Variants in SDHAF4 observed in about 807,000 individuals in gnomAD.
SDHAF4 encodes succinate dehydrogenase assembly factor 4, mitochondrial.
A neutral mutation model predicts 14.3 loss-of-function variants in SDHAF4; 14 were observed. That is an observed-to-expected ratio of 0.98 (90% CI 0.65 to 1.53). The LOEUF (loss-of-function observed/expected upper bound fraction) is 1.53. Among genes scored for constraint, SDHAF4 ranks in the 40% most tolerant of loss-of-function variants. The pLI is 0.00. For synonymous variants in SDHAF4, 63 were observed against 47.3 expected, an observed-to-expected ratio of 1.33 and a Z score of -1.36; for missense variants, 141 against 129.3, an observed-to-expected ratio of 1.09 and a Z score of -0.44.
At chr6:70,592,902 A>G (rs1444517555), downstream of SDHAF4, among the ~76,000 whole-genome samples, 5 of 152,248 alleles carry the variant, frequency 3.3e-5, no homozygotes, top group African/African-American at 1.2e-4. Context: ...TCATCAGGAC[A>G]ATGGGAGAAA....
At chr6:70,574,928 C>G (rs1581927468) in intron 1 of SDHAF4, among the ~76,000 whole-genome samples, 1 of 152,016 alleles carries the variant, frequency 6.6e-6, no homozygotes, top group South Asian at 2.1e-4. Flanking sequence ...ACCCTTGTTT[C>G]AAAAAACAAC....
At chr6:70,577,126 A>G (rs1802265927) in intron 1 of SDHAF4, among the ~76,000 whole-genome samples, 1 of 151,944 alleles carries the variant, frequency 6.6e-6, no homozygotes, top group Non-Finnish European at 1.5e-5. Flanking sequence ...CTGTCTTCCA[A>G]CCCTGTCTTC....
chr6:70,587,596 A>T (rs2128536317), intron 2 of SDHAF4, among the ~76,000 whole-genome samples: 1 of 152,286 alleles, frequency 6.6e-6, no homozygotes, highest in African/African-American at 2.4e-5. Context: ...TGAGAACAAG[A>T]CTGCAGCCAG....
downstream of SDHAF4, among the ~76,000 whole-genome samples, chr6:70,590,305 A>C (rs1379089808): frequency 3.9e-5 from 6 of 152,180 alleles, no homozygotes; most frequent in Non-Finnish European, 8.8e-5. Flanking sequence ...GGGCATACTC[A>C]AGAGAGAGTG....
At chr6:70,596,720 G>C in the SDHAF4 span, 3 of 152,128 alleles carry the variant, frequency 2.0e-5, no homozygotes, top group Non-Finnish European at 4.4e-5. Context: ...TGTACATAAT[G>C]AGTGTTTGGT....
chr6:70,567,847 G>A (rs891538392), intron 1 of SDHAF4, among the ~76,000 whole-genome samples: 13 of 152,054 alleles, frequency 8.5e-5, no homozygotes, highest in Non-Finnish European at 1.6e-4. Flanking sequence ...CACCGTGCCT[G>A]ACTAATTTTT....
downstream of SDHAF4, among the ~76,000 whole-genome samples, chr6:70,594,237 A>G (rs1248505039): frequency 6.6e-6 from 1 of 152,216 alleles, no homozygotes; most frequent in Non-Finnish European, 1.5e-5. Context: ...ATGTATTTGT[A>G]TGTGATAAGG....
chr6:70,584,980 G>A (rs930993160), intron 2 of SDHAF4, among the ~76,000 whole-genome samples: 2 of 152,190 alleles, frequency 1.3e-5, no homozygotes, highest in Non-Finnish European at 2.9e-5. Context: ...CACTGGATAA[G>A]TAAATGGTAT....
intron 2 of SDHAF4, among the ~76,000 whole-genome samples, chr6:70,588,085 T>C (rs1765224124): frequency 6.6e-6 from 1 of 152,250 alleles, no homozygotes; most frequent in African/African-American, 2.4e-5. Flanking sequence ...AGTAATCTTA[T>C]TTCAAGACCT....
At chr6:70,595,858 GA>G in the SDHAF4 span, among the ~76,000 whole-genome samples, 58,081 of 145,188 alleles carry the variant, frequency 0.4, 12,155 homozygotes, top group African/African-American at 0.52. Context: ...AAAAAGAAAA[GA>G]AAAAAAGAAA....
In SDHAF4 at chr6:70,588,609, C is replaced by T. The variant is rs1419862275; in HGVS notation, c.218-6C>T. 3.3e-6 allele frequency: 5 copies of T among 1,535,888 alleles called. No homozygotes were observed. In the Admixed American group the frequency reaches 5.2e-5, roughly 16 times the overall value. On this transcript the variant is annotated splice_polypyrimidine_tract_variant and splice_region_variant and intron_variant, in intron 2 of 2. Coordinates refer to ENST00000370474, the MANE Select transcript of SDHAF4 (RefSeq NM_145267.3). ...AACTGCTTTATTTATATCTCGTTTT[C>T]CTTAGAATTTCCAGATGATGTTAAT...
At chr6:70,593,560 T>C (rs769927921), downstream of SDHAF4, among the ~76,000 whole-genome samples, 1 of 152,204 alleles carries the variant, frequency 6.6e-6, no homozygotes, top group African/African-American at 2.4e-5. Context: ...AGAGTAGCCA[T>C]GTGGACTACA....
chr6:70,583,928 T>G lies in SDHAF4; in HGVS notation c.217+4362T>G, dbSNP rs138128640. ...GCAGTGAGCAGTGAGGAAATGTATTTGGATAGAGGTTGTTTTAATTAGCTT... is the reference window on the plus strand; with the variant it reads ...GCAGTGAGCAGTGAGGAAATGTATTGGGATAGAGGTTGTTTTAATTAGCTT... On this transcript the variant is annotated intron_variant, in intron 2 of 2. Transcript: ENST00000370474. Among the ~76,000 whole-genome samples the G allele has an allele frequency of 3.1e-3, 478 of 152,318 alleles. 3 individuals carry two copies. The highest frequency in any genetic ancestry group is 0.011 in the African/African-American group (452 of 41,572).
chr6:70,568,645 T>G (rs1172041640), intron 1 of SDHAF4, among the ~76,000 whole-genome samples: 3 of 152,202 alleles, frequency 2.0e-5, no homozygotes, highest in Non-Finnish European at 4.4e-5. Flanking sequence ...TGCTACACAT[T>G]CTTGTGTACC....
intron 1 of SDHAF4, among the ~76,000 whole-genome samples, chr6:70,571,654 TG>T (rs1345695060): frequency 4.6e-5 from 7 of 152,208 alleles, no homozygotes; most frequent in African/African-American, 1.4e-4. Context: ...CCTCATATAA[TG>T]TACTGGGGAT....
chr6:70,575,597 A>T (rs187643903), intron 1 of SDHAF4, among the ~76,000 whole-genome samples: 3 of 152,018 alleles, frequency 2.0e-5, no homozygotes, highest in Non-Finnish European at 4.4e-5. Flanking sequence ...GATTTAGAAG[A>T]TGTTTGATTT....
At chr6:70,579,730 T>C (rs904803151) in intron 2 of SDHAF4, among the ~76,000 whole-genome samples, 164 bp downstream of exon 2, 1 of 152,234 alleles carries the variant, frequency 6.6e-6, no homozygotes, top group African/African-American at 2.4e-5. Context: ...TCGATACATG[T>C]AGATTTCTTA....
chr6:70,587,172 A>ACACACACACACACC (rs1765212263), intron 2 of SDHAF4, among the ~76,000 whole-genome samples: 1 of 148,732 alleles, frequency 6.7e-6, no homozygotes. Flanking sequence ...ACTCCATCAC[A>ACACACACACACACC]CACACACACA....
chr6:70,588,708 G>A lies in SDHAF4; in HGVS notation c.311G>A (p.Arg104His), dbSNP rs200376688. The A allele has an allele frequency of 3.2e-4, 507 of 1,600,694 alleles. No individual in the cohort carries two copies. The highest frequency in any genetic ancestry group is 4.1e-4 in the Non-Finnish European group (479 of 1,171,194). ...TRYGDWERKG[R>H]CIDF ...TATGGAGATTGGGAACGAAAAGGAC[G>A]CTGTATTGATTTTTAAGTCGCATAT... The change falls in exon 3 of 3, where the codon CGC becomes CAC. Residue 104 changes from arginine (R) to histidine (H), a missense_variant. By Grantham distance (29) the Arg-to-His change is conservative. Transcript: ENST00000370474.
Sources: gnomAD v4.1 joint callset for allele counts (sites outside exome capture counted in the v4.1 genomes callset) on GRCh38, gnomAD v4.1.1 for gene constraint, MANE v1.5 for transcripts, NCBI Gene and HGNC (gene_info 2026-07-23, HGNC 2026-07-21) for gene names.